ZNF474: variants seen among roughly 807,000 people sequenced by gnomAD.
The protein encoded by ZNF474 is zinc finger protein 474, also known as 4933409D10Rik.
For missense variants in ZNF474, 511 were observed against 433.8 expected (o/e 1.18, Z -1.58); for synonymous variants, 192 against 162.2 (o/e 1.18, Z -1.39).
At chr5:122,138,304 C>T (rs967184852) in intron 1 of ZNF474, among the ~76,000 whole-genome samples, 1 of 152,002 alleles carries the variant, frequency 6.6e-6, no homozygotes, top group Non-Finnish European at 1.5e-5. Context: ...TTCCCTTTTC[C>T]CTCACTGTCT....
rs1755896104 is a variant in ZNF474 at position 122,143,230 on chromosome 5, C to G, written c.-212-8549C>G. Reference sequence around the variant, plus strand: ...ATGCCAATTTATCCTGGCCTAGCAGCTCCGTTCATGCACAACTTTATTCTT... The same window carrying G: ...ATGCCAATTTATCCTGGCCTAGCAGGTCCGTTCATGCACAACTTTATTCTT... On this transcript the variant is annotated intron_variant, in intron 1 of 1. Transcript: ENST00000296600. 3.3e-5 allele frequency among the ~76,000 whole-genome samples: 5 copies of G among 152,202 alleles called. No homozygotes were observed. The South Asian group carries it at 1.0e-3, about 32-fold the overall frequency.
In ZNF474 at chr5:122,133,677, A is replaced by T. The variant is rs80296913; in HGVS notation, c.-213+3994A>T. Among the ~76,000 whole-genome samples the T allele has an allele frequency of 4.0e-3, 615 of 152,184 alleles. 5 individuals are homozygous for T. Among genetic ancestry groups the T allele is most frequent in the African/African-American group, 0.014 (579 of 41,520 alleles). On this transcript the variant is annotated intron_variant, in intron 1 of 1. Transcript: ENST00000296600. ...TGGGCTCAAGCGATCCTCCTACCCC[A>T]GTCCCCCAAGTAGCTGGGACTACAG...
In ZNF474 at chr5:122,153,486, A is replaced by C; in HGVS notation, c.*401A>C. On this transcript the variant is annotated 3_prime_UTR_variant, in exon 2 of 2. Coordinates refer to ENST00000296600, the MANE Select transcript of ZNF474 (RefSeq NM_207317.3). ...TTTTTGGCAATGCTGGGTTATGCTG[A>C]GTTTATCTTACTAAAATAGAATCTG... 5.4e-6 allele frequency: 1 copy of C among 186,216 alleles called. No individual in the cohort carries two copies. The highest frequency in any genetic ancestry group is 1.2e-5 in the Non-Finnish European group (1 of 80,782). 11.5% of individuals were successfully genotyped at this position (186,216 alleles called of 1,614,324 possible).
intron 1 of ZNF474, among the ~76,000 whole-genome samples, chr5:122,149,634 G>C (rs1407983464): frequency 2.0e-5 from 3 of 152,206 alleles, no homozygotes; most frequent in Non-Finnish European, 4.4e-5. Flanking sequence ...GAAACTGACA[G>C]TCTTGGGCAA....
At chr5:122,132,474 A>AT (rs1446257033) in intron 1 of ZNF474, among the ~76,000 whole-genome samples, 1 of 151,940 alleles carries the variant, frequency 6.6e-6, no homozygotes, top group Admixed American at 6.6e-5. Context: ...AATTTTCTTA[A>AT]TTTTTTTAAT....
chr5:122,144,966 T>C (rs1755949359), intron 1 of ZNF474, among the ~76,000 whole-genome samples: 1 of 152,164 alleles, frequency 6.6e-6, no homozygotes, highest in Non-Finnish European at 1.5e-5. Context: ...CTAACAGTAG[T>C]TTTCATAGGG....
At chr5:122,135,726 G>T (rs1755683422) in intron 1 of ZNF474, among the ~76,000 whole-genome samples, 1 of 152,114 alleles carries the variant, frequency 6.6e-6, no homozygotes, top group Non-Finnish European at 1.5e-5. Context: ...AAGAGCCAAG[G>T]TATGGAGTCA....
rs1287811162 is a variant in ZNF474 at position 122,152,002 on chromosome 5, A to C, written c.12A>C (p.Gly4=). The C allele has an allele frequency of 6.2e-7, 1 of 1,608,800 alleles. No homozygotes were observed. The highest frequency in any genetic ancestry group is 1.7e-5 in the Admixed American group (1 of 58,754). Residue 4 remains glycine, a synonymous_variant, in exon 2 of 2, where the codon GGA becomes GGC. Coordinates refer to ENST00000296600, the MANE Select transcript of ZNF474 (RefSeq NM_207317.3). ...AGACATCTTTGTTAATGGAAAGAGG[A>C]AAGAAGAAAAGAATTTCCAATAAGT... MER[G]KKKRISNKLQ...
intron 1 of ZNF474, among the ~76,000 whole-genome samples, chr5:122,132,653 G>A (rs1409077822): frequency 6.6e-6 from 1 of 152,016 alleles, no homozygotes; most frequent in African/African-American, 2.4e-5. Flanking sequence ...TCCATCTTGA[G>A]TTAATTTTTG....
intron 1 of ZNF474, among the ~76,000 whole-genome samples, chr5:122,149,704 T>C (rs1023473860): frequency 2.0e-5 from 3 of 152,200 alleles, no homozygotes; most frequent in African/African-American, 7.2e-5. Context: ...TAATACCTGC[T>C]TCATAATCAT....
intron 1 of ZNF474, among the ~76,000 whole-genome samples, chr5:122,134,901 G>A (rs923773105): frequency 6.6e-6 from 1 of 152,004 alleles, no homozygotes; most frequent in Non-Finnish European, 1.5e-5. Context: ...ACTTCTAGAA[G>A]AAAACACTGG....
intron 1 of ZNF474, among the ~76,000 whole-genome samples, chr5:122,151,083 A>C (rs1416082967): frequency 6.6e-6 from 1 of 152,058 alleles, no homozygotes; most frequent in Non-Finnish European, 1.5e-5. Flanking sequence ...GATAATCCTC[A>C]TAAGATTCAT....
rs1270651148 is a variant in ZNF474, at chr5:122,152,208, G to A, written c.218G>A (p.Ser73Asn). 1.2e-6 allele frequency: 2 copies of A among 1,614,160 alleles called. No homozygotes were observed. The highest frequency in any genetic ancestry group is 2.2e-5 in the East Asian group (1 of 44,868). The change falls in exon 2 of 2, where the codon AGT (serine) becomes AAT (asparagine). Residue 73 changes from serine to asparagine, a missense_variant. Coordinates refer to ENST00000296600, the MANE Select transcript of ZNF474 (RefSeq NM_207317.3). ...ACTGTGATACTATCAAAACTGTCAAGTAGAAGAATTATATCGGAAAGCCAG... is the reference window on the plus strand; with the variant it reads ...ACTGTGATACTATCAAAACTGTCAAATAGAAGAATTATATCGGAAAGCCAG... ...PGTVILSKLS[S>N]RRIISESQLS...
At position 122,152,256 on chromosome 5, in the gene ZNF474, C is replaced by A. The variant is rs764372003; in HGVS notation, c.266C>A (p.Ala89Asp). 2 of 1,614,224 alleles carry A rather than the reference C, an allele frequency of 1.2e-6. No individual in the cohort carries two copies. The highest frequency in any genetic ancestry group is 1.7e-5 in the Admixed American group (1 of 60,036). Residue 89 changes from alanine (A) to aspartate (D), a missense_variant, in exon 2 of 2, where the codon GCC (alanine) becomes GAC (aspartate). Physicochemically the swap from Ala to Asp is moderately radical, Grantham distance 126. Transcript: ENST00000296600. ...ESQLSPPVIP[A>D]RRPGFRVCYI... ...CAGCTTAGCCCCCCTGTGATCCCGG[C>A]CCGCAGGCCTGGATTCCGGGTATGC...
chr5:122,151,943 A>G lies in ZNF474; in HGVS notation c.-48A>G. ...TCACTCTAAGCAGAAGCCCAAAGTG[A>G]GTCTGGCCTGAAATCAGAGCAAGCA... On this transcript the variant is annotated 5_prime_UTR_variant, in exon 2 of 2. Coordinates refer to ENST00000296600, the MANE Select transcript of ZNF474 (RefSeq NM_207317.3). The G allele has an allele frequency of 1.3e-6, 2 of 1,561,544 alleles. No individual in the cohort carries two copies. Among genetic ancestry groups the G allele is most frequent in the Non-Finnish European group, 1.7e-6 (2 of 1,163,618 alleles).
At chr5:122,146,641 G>A (rs79434028) in intron 1 of ZNF474, among the ~76,000 whole-genome samples, 1 of 152,066 alleles carries the variant, frequency 6.6e-6, no homozygotes, top group Non-Finnish European at 1.5e-5. Flanking sequence ...GTTTCCATGT[G>A]AATAACAGAC....
intron 1 of ZNF474, among the ~76,000 whole-genome samples, chr5:122,130,114 T>C (rs184474285): frequency 6.6e-6 from 1 of 152,164 alleles, no homozygotes; most frequent in African/African-American, 2.4e-5. Context: ...AGATTATCCA[T>C]GAAAGAAAAG....
intron 1 of ZNF474, among the ~76,000 whole-genome samples, chr5:122,136,299 T>TA (rs1755698617): frequency 6.6e-6 from 1 of 152,134 alleles, no homozygotes; most frequent in African/African-American, 2.4e-5. Context: ...ATTAAAAATT[T>TA]AAAAAAGAAG....
chr5:122,141,300 A>ACTTTTTTTTTTTTTTTTTTT (rs1755839307), intron 1 of ZNF474, among the ~76,000 whole-genome samples: 1 of 64,342 alleles, frequency 1.6e-5, no homozygotes, highest in South Asian at 8.0e-4. Context: ...ACCCCTGGCT[A>ACTTTTTTTTTTTTTTTTTTT]TTTTTTTTTT....
Sources: allele counts gnomAD v4.1 joint callset (sites outside exome capture counted in the v4.1 genomes callset), GRCh38; gene constraint gnomAD v4.1.1; transcripts MANE v1.5; gene names NCBI Gene and HGNC (gene_info 2026-07-23, HGNC 2026-07-21).